The following HELZ variants were observed in gnomAD, a reference collection of about 807,000 sequenced individuals.
HELZ encodes helicase with zinc finger, also known as ATP-dependent RNA helicase with zinc finger domain.
A neutral mutation model predicts 218.2 loss-of-function variants in HELZ; 23 were observed. That is an observed-to-expected ratio of 0.11 (90% confidence interval 0.08 to 0.15). HELZ has a LOEUF of 0.15. Among genes scored for constraint, HELZ ranks in the 10% least tolerant of loss-of-function variants. The pLI is 1.00. For missense variants in HELZ, 1,813 were observed against 2,353.7 expected (o/e 0.77, Z 4.75); for synonymous variants, 814 against 829.4 (o/e 0.98, Z 0.32).
intron 13 of HELZ, among the ~76,000 whole-genome samples, chr17:67,174,730 G>A (rs951521364): frequency 2.6e-5 from 4 of 152,100 alleles, no homozygotes; most frequent in South Asian, 2.1e-4. Flanking sequence ...CCCAGGAGGC[G>A]GAGGTTCTGG....
chr17:67,174,904 G>C (rs1037671514), intron 13 of HELZ, among the ~76,000 whole-genome samples: 5 of 152,214 alleles, frequency 3.3e-5, no homozygotes, highest in African/African-American at 1.2e-4. Context: ...TTGTGTGGCA[G>C]CAGATCTGAC....
In HELZ at chr17:67,109,316, G is replaced by A; in HGVS notation, c.4289C>T (p.Ala1430Val). 1 of 1,614,166 alleles carries A rather than the reference G, an allele frequency of 6.2e-7. No homozygotes were observed. The change falls in exon 29 of 33, where the codon GCT (alanine) becomes GTT (valine). Residue 1430 changes from alanine to valine, a missense_variant. By Grantham distance (64) the Ala-to-Val change is moderately conservative. This residue lies in a region of HELZ where 938 missense variants were observed against 1,027.5 expected (regional missense o/e 0.91). Coordinates refer to ENST00000358691, the MANE Select transcript of HELZ (RefSeq NM_014877.4). Reference protein sequence around the residue: ...SPAYQAGPNNAFFNSAVAHRP... With the variant: ...SPAYQAGPNNVFFNSAVAHRP... ...ATGAGCAACTGCACTATTAAAAAAA[G>A]CATTGTTGGGTCCCGCCTGATATGC...
chr17:67,118,838 G>T (rs931959081), intron 27 of HELZ, among the ~76,000 whole-genome samples: 8 of 151,336 alleles, frequency 5.3e-5, no homozygotes, highest in African/African-American at 1.7e-4. Flanking sequence ...GTGGGCAATA[G>T]ATATAAATAG....
At chr17:67,114,145 T>C (rs1468947371) in intron 28 of HELZ, among the ~76,000 whole-genome samples, 179 bp downstream of exon 28, 1 of 152,162 alleles carries the variant, frequency 6.6e-6, no homozygotes, top group Non-Finnish European at 1.5e-5. Flanking sequence ...ATACATGAAA[T>C]AGCACAGCCA....
intron 26 of HELZ, among the ~76,000 whole-genome samples, chr17:67,122,545 CAA>C (rs113522108): frequency 7.9e-6 from 1 of 126,900 alleles, no homozygotes; most frequent in Admixed American, 7.9e-5. Context: ...GACCCCGTCT[CAA>C]AAAAAAAAAA....
At chr17:67,102,970 A>G (rs2036976150) in intron 31 of HELZ, among the ~76,000 whole-genome samples, 1 of 152,236 alleles carries the variant, frequency 6.6e-6, no homozygotes, top group African/African-American at 2.4e-5. Flanking sequence ...AGGCCCATTT[A>G]AAAAGATCAA....
At chr17:67,190,473 C>G (rs1336809528) in intron 9 of HELZ, 118 bp from the exon 10 acceptor site, 1 of 723,684 alleles carries the variant, frequency 1.4e-6, no homozygotes, top group Non-Finnish European at 2.3e-6. Flanking sequence ...GCTGAAAGGC[C>G]ATATTTATCG....
chr17:67,138,372 T>A (rs1411000206), intron 21 of HELZ, among the ~76,000 whole-genome samples: 1 of 152,196 alleles, frequency 6.6e-6, no homozygotes, highest in Non-Finnish European at 1.5e-5. Flanking sequence ...GACAATGCTA[T>A]TGGCCCCCAA....
rs1318484895 is a variant in HELZ, at chr17:67,136,182, A to G, written c.2970T>C (p.Val990=). 1.2e-6 allele frequency: 2 copies of G among 1,608,024 alleles called. No individual in the cohort carries two copies. The highest frequency in any genetic ancestry group is 2.2e-5 in the East Asian group (1 of 44,856). The part of the protein sequence containing the change: ...VLNVQGKQFR[V]LFLSTVRTRH... ...TTGTACGTACTGTGCTAAGAAACAA[A>G]ACTCTGAATTGCTTTCCTACAAAGA... Residue 990 remains valine (V), a synonymous_variant, in exon 23 of 33, where the codon GTT becomes GTC. Transcript: ENST00000358691.
At chr17:67,084,209 A>G (rs754563475) in intron 32 of HELZ, among the ~76,000 whole-genome samples, 15 of 152,240 alleles carry the variant, frequency 9.9e-5, no homozygotes, top group Non-Finnish European at 2.1e-4. Context: ...ATTTAAAAAT[A>G]CTACACTCTG....
At chr17:67,147,026 A>G (rs967628995) in intron 20 of HELZ, among the ~76,000 whole-genome samples, 2 of 152,168 alleles carry the variant, frequency 1.3e-5, no homozygotes, top group South Asian at 2.1e-4. Context: ...AAACTTATTA[A>G]TAAGTTTCAT....
At chr17:67,244,769 G>T in intron 1 of HELZ, 5 of 984,978 alleles carry the variant, frequency 5.1e-6, no homozygotes, top group Non-Finnish European at 6.0e-6. Context: ...ACCCCCAGCC[G>T]CGACCCGGAG....
intron 28 of HELZ, among the ~76,000 whole-genome samples, chr17:67,112,638 T>C (rs376668575): frequency 4.6e-5 from 7 of 152,352 alleles, no homozygotes; most frequent in African/African-American, 1.7e-4. Flanking sequence ...ATAAAGAGAA[T>C]AGCTGCTTAA....
rs1379160918 is a variant in HELZ at position 67,226,213 on chromosome 17, C to T, written c.-18-7391G>A. 5.4e-5 allele frequency among the ~76,000 whole-genome samples: 8 copies of T among 148,326 alleles called. No homozygotes were observed. In the South Asian group the frequency reaches 6.4e-4, roughly 12 times the overall value. ...GGCGGAGGTTGCAGTGAGCCGAGAT[C>T]GCACCACTGCACTCCAGCCTAGCAA... On this transcript the variant is annotated intron_variant, in intron 3 of 32. Coordinates refer to ENST00000358691, the MANE Select transcript of HELZ (RefSeq NM_014877.4).
chr17:67,127,836 CCT>C (rs1225979007), intron 24 of HELZ, among the ~76,000 whole-genome samples: 1 of 145,144 alleles, frequency 6.9e-6, no homozygotes, highest in African/African-American at 2.6e-5. Flanking sequence ...ACAGAGATCC[CCT>C]CTCAAAAAAA....
intron 3 of HELZ, among the ~76,000 whole-genome samples, chr17:67,227,229 G>C (rs2040917765): frequency 6.8e-6 from 1 of 146,938 alleles, no homozygotes; most frequent in African/African-American, 2.5e-5. Context: ...GTCTCACTCT[G>C]TCGCCCAGGT....
intron 20 of HELZ, among the ~76,000 whole-genome samples, 169 bp downstream of exon 20, chr17:67,148,400 A>G (rs1023021145): frequency 6.6e-6 from 1 of 152,192 alleles, no homozygotes. Context: ...TACAACTCTG[A>G]CTTCTGAAGT....
chr17:67,220,860 C>CCA (rs1555626578), intron 3 of HELZ, among the ~76,000 whole-genome samples: 17 of 132,102 alleles, frequency 1.3e-4, no homozygotes, highest in South Asian at 5.2e-4. Flanking sequence ...CCCCCCCCCC[C>CCA]AAAAAAAAAG....
In HELZ at chr17:67,086,937, A is replaced by G. The variant is rs1253802911; in HGVS notation, c.5386T>C (p.Phe1796Leu). ...CAGGACTCCGGGGATGAAAAGTTGAAAGAAGATTGGTTACTGTGGTCCTGA... is the reference window on the plus strand; with the variant it reads ...CAGGACTCCGGGGATGAAAAGTTGAGAGAAGATTGGTTACTGTGGTCCTGA... ...ELQDHSNQSSFNFSSPESWVN... is the reference protein window; with the variant it reads ...ELQDHSNQSSLNFSSPESWVN... Residue 1796 changes from phenylalanine (F) to leucine (L), a missense_variant, in exon 32 of 33, where the codon TTC (phenylalanine) becomes CTC (leucine). Phe to Leu is a conservative substitution (Grantham distance 22, BLOSUM62 0). Coordinates refer to ENST00000358691, the MANE Select transcript of HELZ (RefSeq NM_014877.4). The G allele has an allele frequency of 2.5e-6, 4 of 1,613,646 alleles. No individual in the cohort carries two copies. Among genetic ancestry groups the G allele is most frequent in the Non-Finnish European group, 3.4e-6 (4 of 1,179,976 alleles).
Sources: allele counts gnomAD v4.1 joint callset (sites outside exome capture counted in the v4.1 genomes callset), GRCh38; gene constraint gnomAD v4.1.1; regional missense constraint gnomAD v4.1.1; transcripts MANE v1.5; gene names NCBI Gene and HGNC (gene_info 2026-07-23, HGNC 2026-07-21).